GPBP1L1: variants seen among roughly 807,000 people sequenced by gnomAD.
GPBP1L1 encodes vasculin-like protein 1.
A neutral mutation model predicts 52.5 loss-of-function variants in GPBP1L1; 23 were observed. That is an observed-to-expected ratio of 0.44 (90% confidence interval 0.32 to 0.62). GPBP1L1 has a LOEUF of 0.62. GPBP1L1 is among the 20% of genes least tolerant of loss of function. GPBP1L1 has a pLI of 0.06. For missense variants in GPBP1L1, 596 were observed against 579.3 expected, an observed-to-expected ratio of 1.03 and a Z score of -0.30; for synonymous variants, 243 against 203.1, an observed-to-expected ratio of 1.20 and a Z score of -1.67.
At position 45,634,182 on chromosome 1, in the gene GPBP1L1, T is replaced by C; in HGVS notation, c.799A>G (p.Ser267Gly). The change falls in exon 9 of 13, where the codon AGC becomes GGC. Residue 267 changes from serine (S) to glycine (G), a missense_variant. Transcript: ENST00000355105. ...MEHKSGSLSS[S>G]RESAFTSPIS... ...GGACTGGTAAAAGCAGACTCCCGGC[T>C]AGAGGAAAGGGATCCTGACTTGTGC... 1.2e-6 allele frequency: 2 copies of C among 1,613,890 alleles called. No homozygotes were observed. The highest frequency in any genetic ancestry group is 1.7e-6 in the Non-Finnish European group (2 of 1,179,824).
intron 2 of GPBP1L1, among the ~76,000 whole-genome samples, chr1:45,672,698 A>T (rs1417398929): frequency 6.6e-6 from 1 of 152,234 alleles, no homozygotes; most frequent in Non-Finnish European, 1.5e-5. Flanking sequence ...GTAAAAAGAG[A>T]TGGAACCTTG....
rs777272948 is a variant in GPBP1L1, at chr1:45,629,537, G to A, written c.1272+39C>T. ...ACTGTCTTGACTCCTTATTCTCCTGGTTACTAACTGGTCTCTAGGAAGAAG... is the reference window on the plus strand; with the variant it reads ...ACTGTCTTGACTCCTTATTCTCCTGATTACTAACTGGTCTCTAGGAAGAAG... On this transcript the variant is annotated intron_variant, in intron 12 of 12. Coordinates refer to ENST00000355105, the MANE Select transcript of GPBP1L1 (RefSeq NM_021639.5). 8.6e-6 allele frequency: 10 copies of A among 1,168,004 alleles called. No individual in the cohort carries two copies. The East Asian group carries it at 2.6e-4, about 31-fold the overall frequency. The allele number at this position is 1,168,004 out of a possible 1,614,324, so 72.4% of individuals were successfully genotyped here. A position where few individuals can be genotyped will look rare whatever the true frequency, so the allele number is the denominator to read the frequency against.
intron 2 of GPBP1L1, among the ~76,000 whole-genome samples, chr1:45,664,694 G>A (rs571438448): frequency 6.6e-6 from 1 of 151,914 alleles, no homozygotes; most frequent in Non-Finnish European, 1.5e-5. Flanking sequence ...TTTTGTTTTT[G>A]AGATGAGGTC....
intron 2 of GPBP1L1, among the ~76,000 whole-genome samples, chr1:45,682,118 C>T (rs1486851659): frequency 6.6e-6 from 1 of 151,980 alleles, no homozygotes; most frequent in Non-Finnish European, 1.5e-5. Context: ...CATGGTAAGA[C>T]GAATTAAAAA....
Position 45,654,551 on chromosome 1 carries a change from C to T in GPBP1L1, c.469G>A (p.Glu157Lys). The change falls in exon 6 of 13, where the codon GAG (glutamate) becomes AAG (lysine). Residue 157 changes from glutamate to lysine, a missense_variant. Glu to Lys is a moderately conservative substitution (Grantham distance 56). Coordinates refer to ENST00000355105, the MANE Select transcript of GPBP1L1 (RefSeq NM_021639.5). ...DKVEKLQFEE[E>K]DFPSLNPEAG... The stretch of plus-strand genomic sequence containing the variant: ...TAAAGATTCATACTTACAAAGTCCT[C>T]CTCTTCAAACTGCAACTTTTCCACC... The T allele has an allele frequency of 6.2e-7, 1 of 1,609,430 alleles. No individual in the cohort carries two copies. Among genetic ancestry groups the T allele is most frequent in the Non-Finnish European group, 8.5e-7 (1 of 1,176,434 alleles).
Position 45,655,350 on chromosome 1 carries a change from G to A in GPBP1L1, c.61-31C>T, listed in dbSNP as rs113793643. On this transcript the variant is annotated intron_variant, in intron 4 of 12. Coordinates refer to ENST00000355105, the MANE Select transcript of GPBP1L1 (RefSeq NM_021639.5). ...ATGATGAAGTATGGAGAGGCAAATG[G>A]ATAAATAGCTATTAGTCCTTTTCAA... 1.6e-4 allele frequency: 259 copies of A among 1,611,594 alleles called. 1 individual carries two copies. In the African/African-American group the frequency reaches 3.1e-3, roughly 19 times the overall value.
chr1:45,674,903 G>A (rs1421668993), intron 2 of GPBP1L1, among the ~76,000 whole-genome samples: 9 of 152,208 alleles, frequency 5.9e-5, no homozygotes, highest in Non-Finnish European at 1.2e-4. Flanking sequence ...AGGAGTAGCT[G>A]TACTTTTTTC....
In GPBP1L1 at chr1:45,661,019, A is replaced by G. The variant is rs1020539956; in HGVS notation, c.-891T>C. ...ATGGGTAGGATGGATATTAAGAAAT[A>G]GTCAAGGAGAAATATAGGTCCAAAA... On this transcript the variant is annotated 5_prime_UTR_variant, in exon 3 of 13. Transcript: ENST00000355105. The G allele has an allele frequency of 6.6e-6, 1 of 152,236 alleles. No homozygotes were observed. Among genetic ancestry groups the G allele is most frequent in the Non-Finnish European group, 1.5e-5 (1 of 68,044 alleles). The allele number at this position is 152,236 out of a possible 1,614,324, so 9.4% of individuals were successfully genotyped here. A position where few individuals can be genotyped will look rare whatever the true frequency, so the allele number is the denominator to read the frequency against.
chr1:45,662,068 A>T (rs563999012), intron 2 of GPBP1L1, among the ~76,000 whole-genome samples: 2 of 152,220 alleles, frequency 1.3e-5, no homozygotes, highest in Non-Finnish European at 2.9e-5. Flanking sequence ...TAAAACTTTT[A>T]TAATCTAACT....
At chr1:45,686,953 C>T (rs545027223), upstream of GPBP1L1, 2 of 152,556 alleles carry the variant, frequency 1.3e-5, no homozygotes, top group South Asian at 4.1e-4. Flanking sequence ...CTTCACCCTC[C>T]CACAGCCCGC....
intron 10 of GPBP1L1, among the ~76,000 whole-genome samples, chr1:45,632,268 T>G (rs759986544): frequency 1.3e-5 from 2 of 151,862 alleles, no homozygotes; most frequent in Admixed American, 6.6e-5. Flanking sequence ...TGTCATGTGG[T>G]GGCACATGCC....
At chr1:45,678,609 T>C (rs1645175573) in intron 2 of GPBP1L1, among the ~76,000 whole-genome samples, 1 of 152,088 alleles carries the variant, frequency 6.6e-6, no homozygotes, top group South Asian at 2.1e-4. Flanking sequence ...AGCTAAATAA[T>C]ACCATAAGGA....
chr1:45,632,917 T>C (rs1043487501), intron 10 of GPBP1L1, among the ~76,000 whole-genome samples: 6 of 152,082 alleles, frequency 3.9e-5, no homozygotes, highest in East Asian at 1.9e-4. Context: ...AGAAGATACA[T>C]AGATGGATGC....
intron 8 of GPBP1L1, among the ~76,000 whole-genome samples, chr1:45,635,999 C>A (rs1569764037): frequency 6.6e-6 from 1 of 152,208 alleles, no homozygotes; most frequent in Non-Finnish European, 1.5e-5. Flanking sequence ...TGCCAAACTT[C>A]TGAGTAAGTC....
chr1:45,642,521 T>A (rs1234014570), intron 6 of GPBP1L1, 22 bp from the exon 7 acceptor site: 7 of 1,594,170 alleles, frequency 4.4e-6, no homozygotes, highest in East Asian at 2.2e-5. Context: ...GGGATATGAA[T>A]GGTTGATACA....
rs1644937282 is a variant in GPBP1L1 at position 45,660,635 on chromosome 1, T to C, written c.-507A>G. On this transcript the variant is annotated 5_prime_UTR_variant, in exon 3 of 13. It removes an upstream start codon present in the reference 5' UTR. Transcript: ENST00000355105. The stretch of plus-strand genomic sequence containing the variant: ...GCTCAAGTGTGGACAAATAATGTCA[T>C]CAAGGTAATAGATCAAAAATATTAA... The C allele has an allele frequency of 1.2e-6, 1 of 811,652 alleles. No individual in the cohort carries two copies. Among genetic ancestry groups the C allele is most frequent in the Admixed American group, 6.2e-5 (1 of 16,048 alleles). The allele number at this position is 811,652 out of a possible 1,614,324, so 50.3% of individuals were successfully genotyped here. A position where few individuals can be genotyped will look rare whatever the true frequency, so the allele number is the denominator to read the frequency against.
upstream of GPBP1L1, chr1:45,686,862 C>T (rs1412113677): frequency 1.3e-5 from 2 of 152,606 alleles, no homozygotes; most frequent in African/African-American, 2.4e-5. Context: ...TTAGTACGCC[C>T]CTTCTAACCC....
chr1:45,633,623 T>C lies in GPBP1L1; in HGVS notation c.910A>G (p.Ile304Val), dbSNP rs568861441. Residue 304 changes from isoleucine (I) to valine (V), a missense_variant, in exon 10 of 13, where the codon ATT (isoleucine) becomes GTT (valine). Coordinates refer to ENST00000355105, the MANE Select transcript of GPBP1L1 (RefSeq NM_021639.5). Reference sequence around the variant, plus strand: ...GTCAGACGAGAGGAGCTGATCTCAATTGGAGGGGTGGTGCTGGAGGGACTC... The same window carrying C: ...GTCAGACGAGAGGAGCTGATCTCAACTGGAGGGGTGGTGCTGGAGGGACTC... ...KESPSSTTPP[I>V]EISSSRLTKL... 8.7e-5 allele frequency: 141 copies of C among 1,613,914 alleles called. No homozygotes were observed. The South Asian group carries it at 1.1e-3, about 13-fold the overall frequency.
upstream of GPBP1L1, chr1:45,687,444 G>A (rs1310441056): frequency 6.6e-6 from 1 of 152,400 alleles, no homozygotes; most frequent in African/African-American, 2.4e-5. Context: ...AGACTACCTA[G>A]AATCCGGAGG....
Sources: gnomAD v4.1 joint callset for allele counts (sites outside exome capture counted in the v4.1 genomes callset) on GRCh38, gnomAD v4.1.1 for gene constraint, MANE v1.5 for transcripts, NCBI Gene and HGNC (gene_info 2026-07-23, HGNC 2026-07-21) for gene names.